OSBPL9: variants seen among roughly 807,000 people sequenced by gnomAD.
The protein encoded by OSBPL9 is oxysterol-binding protein-related protein 9.
Under a neutral mutation model 106.6 loss-of-function variants are expected in OSBPL9, and 40 were observed. The ratio of observed to expected loss-of-function variants is 0.38; its 90% CI spans 0.29 to 0.49. The LOEUF (loss-of-function observed/expected upper bound fraction) is 0.49. Among genes scored for constraint, OSBPL9 ranks in the 20% least tolerant of loss-of-function variants. OSBPL9 has a pLI of 0.97. For synonymous variants in OSBPL9, 269 were observed against 295.4 expected (o/e 0.91, Z 0.92); for missense variants, 609 against 887.2 (o/e 0.69, Z 3.98).
intron 4 of OSBPL9, among the ~76,000 whole-genome samples, chr1:51,742,542 C>T (rs1420588400): frequency 1.3e-5 from 2 of 150,246 alleles, no homozygotes; most frequent in Non-Finnish European, 3.0e-5. Flanking sequence ...CAGGGTCTTG[C>T]AACATAGCAA....
chr1:51,698,007 A>G lies in OSBPL9; in HGVS notation c.242-15996A>G, dbSNP rs144586807. Reference sequence around the variant, plus strand: ...ATTGGTATTTTCATGTATGTCAGGCATCGTGGTAAATATTGTACAGATTAT... The same window carrying G: ...ATTGGTATTTTCATGTATGTCAGGCGTCGTGGTAAATATTGTACAGATTAT... On this transcript the variant is annotated intron_variant, in intron 3 of 23. Coordinates refer to ENST00000428468, the MANE Select transcript of OSBPL9 (RefSeq NM_024586.6). Among the ~76,000 whole-genome samples, 968 of 152,178 alleles carry G rather than the reference A, an allele frequency of 6.4e-3. 7 individuals carry two copies. Among genetic ancestry groups the G allele is most frequent in the Non-Finnish European group, 0.011 (757 of 68,008 alleles).
At chr1:51,538,900 G>A in the OSBPL9 span, among the ~76,000 whole-genome samples, 2 of 152,018 alleles carry the variant, frequency 1.3e-5, no homozygotes, top group East Asian at 1.9e-4. Flanking sequence ...TGGTTTTTGT[G>A]ATACCACATT....
At chr1:51,765,728 CTT>C (rs1192361297) in intron 11 of OSBPL9, 92 bp from the exon 12 acceptor site, 220 of 1,212,060 alleles carry the variant, frequency 1.8e-4, no homozygotes, top group East Asian at 5.1e-5. Flanking sequence ...TAACCAAACT[CTT>C]TTTTGATTTT....
chr1:51,769,544 T>G (rs936080213), intron 12 of OSBPL9, among the ~76,000 whole-genome samples: 2 of 152,220 alleles, frequency 1.3e-5, no homozygotes, highest in African/African-American at 4.8e-5. Context: ...CCGTGTATGG[T>G]GCATACAAGG....
At chr1:51,697,660 T>G (rs1656349336) in intron 3 of OSBPL9, among the ~76,000 whole-genome samples, 1 of 151,622 alleles carries the variant, frequency 6.6e-6, no homozygotes. Context: ...TCTTGTAGTT[T>G]AGGTTGTGTG....
At chr1:51,584,390 C>A (rs959711875) in intron 1 of OSBPL9, among the ~76,000 whole-genome samples, 3 of 152,132 alleles carry the variant, frequency 2.0e-5, no homozygotes, top group African/African-American at 7.2e-5. Flanking sequence ...TTTTCCCCAT[C>A]TGTACAATGA....
chr1:51,576,051 T>C (rs998521721), upstream of OSBPL9, among the ~76,000 whole-genome samples: 3 of 152,202 alleles, frequency 2.0e-5, no homozygotes, highest in East Asian at 5.8e-4. Context: ...CTTCTATAGG[T>C]CTTCATTTCC....
intron 4 of OSBPL9, among the ~76,000 whole-genome samples, chr1:51,737,545 GGTGTGTGTGTGTGT>G (rs57886494): frequency 6.3e-5 from 9 of 142,530 alleles, no homozygotes; most frequent in Non-Finnish European, 1.1e-4. Context: ...ATATTTCAGG[GGTGTGTGTGTGTGT>G]GTGTGTGTGT....
At chr1:51,570,358 A>C in the OSBPL9 span, among the ~76,000 whole-genome samples, 10 of 152,202 alleles carry the variant, frequency 6.6e-5, no homozygotes, top group Admixed American at 6.5e-4. Flanking sequence ...TCATGAAGCC[A>C]TTGAGGCTAT....
the OSBPL9 span, among the ~76,000 whole-genome samples, chr1:51,558,244 C>T: frequency 6.6e-6 from 1 of 151,858 alleles, no homozygotes; most frequent in Non-Finnish European, 1.5e-5. Flanking sequence ...TGTGCCACTG[C>T]ACTCCAGCCT....
intron 9 of OSBPL9, chr1:51,759,548 A>G (rs931378079): frequency 6.6e-6 from 1 of 152,158 alleles, no homozygotes; most frequent in Non-Finnish European, 1.5e-5. Flanking sequence ...CTTAATATAT[A>G]TGTGAAGTTC....
intron 4 of OSBPL9, among the ~76,000 whole-genome samples, chr1:51,720,632 G>A (rs1661928759): frequency 1.3e-5 from 2 of 151,696 alleles, no homozygotes; most frequent in Admixed American, 6.6e-5. Flanking sequence ...TGACCTTTAT[G>A]TTTCTTAACT....
At chr1:51,569,451 A>T in the OSBPL9 span, 1 of 152,106 alleles carries the variant, frequency 6.6e-6, no homozygotes, top group African/African-American at 2.4e-5. Context: ...CATATTAGAC[A>T]TTTTCTGTTC....
At chr1:51,685,825 G>A (rs74484980) in intron 3 of OSBPL9, among the ~76,000 whole-genome samples, 491 of 152,206 alleles carry the variant, frequency 3.2e-3, no homozygotes, top group Non-Finnish European at 5.5e-3. Context: ...CTGATACAGC[G>A]TATAGATTAA....
chr1:51,686,326 G>A (rs1653796265), intron 3 of OSBPL9, among the ~76,000 whole-genome samples: 1 of 152,170 alleles, frequency 6.6e-6, no homozygotes, highest in Non-Finnish European at 1.5e-5. Context: ...GTAGGAAGTG[G>A]CAGAGCCTGG....
intron 2 of OSBPL9, among the ~76,000 whole-genome samples, chr1:51,603,113 C>T (rs1475917777): frequency 6.6e-6 from 1 of 152,186 alleles, no homozygotes; most frequent in African/African-American, 2.4e-5. Context: ...CATGATCGTG[C>T]CACTGTACTC....
At chr1:51,762,021 A>G in intron 11 of OSBPL9, 50 bp downstream of exon 11, 1 of 1,387,350 alleles carries the variant, frequency 7.2e-7, no homozygotes, top group Non-Finnish European at 1.0e-6. Flanking sequence ...TTAACATTTG[A>G]GGTTTGTTTG....
At chr1:51,710,999 A>C (rs1369388395) in intron 3 of OSBPL9, among the ~76,000 whole-genome samples, 1 of 149,584 alleles carries the variant, frequency 6.7e-6, no homozygotes. Flanking sequence ...ATTTTCTCAT[A>C]CGCTGTATTG....
At chr1:51,679,718 G>A (rs1208917715) in intron 3 of OSBPL9, among the ~76,000 whole-genome samples, 2 of 152,188 alleles carry the variant, frequency 1.3e-5, no homozygotes, top group Admixed American at 1.3e-4. Flanking sequence ...CACTTACTAA[G>A]TAGGCTTCTG....
Sources: gnomAD v4.1 joint callset for allele counts (sites outside exome capture counted in the v4.1 genomes callset) on GRCh38, gnomAD v4.1.1 for gene constraint, MANE v1.5 for transcripts, NCBI Gene and HGNC (gene_info 2026-07-23, HGNC 2026-07-21) for gene names.